NBAS: variants seen among roughly 807,000 people sequenced by gnomAD.
NBAS encodes NAG/BC035112 fusion.
In NBAS, 219 loss-of-function variants were observed where a neutral mutation model predicts 302.5. The observed-to-expected ratio is 0.72, with a 90% CI of 0.65 to 0.81. The LOEUF (loss-of-function observed/expected upper bound fraction) is 0.81. Ranked by LOEUF, NBAS falls within the 30% of genes least tolerant of loss-of-function variation. The probability of loss-of-function intolerance (pLI) is 0.00; values close to 1 mark genes in which losing one functional copy is unlikely to be tolerated. For synonymous variants in NBAS, 1,118 were observed against 1,021.6 expected, an observed-to-expected ratio of 1.09 and a Z score of -1.80; for missense variants, 2,932 against 2,841.6, an observed-to-expected ratio of 1.03 and a Z score of -0.72.
At chr2:15,397,617 CT>C in intron 26 of NBAS, 1 of 595,904 alleles carries the variant, frequency 1.7e-6, no homozygotes, top group Non-Finnish European at 3.1e-6. Context: ...AAGACGCTCG[CT>C]TCAGAAATGT....
chr2:15,014,140 CAG>C, the NBAS span, among the ~76,000 whole-genome samples: 1 of 152,060 alleles, frequency 6.6e-6, no homozygotes, highest in African/African-American at 2.4e-5. Flanking sequence ...CTGAACCACA[CAG>C]ATATATAAAT....
the NBAS span, among the ~76,000 whole-genome samples, chr2:14,864,362 G>C: frequency 4.7e-5 from 7 of 149,200 alleles, no homozygotes; most frequent in East Asian, 1.4e-3. Flanking sequence ...AAACAGCCAA[G>C]ACTTGAATCC....
chr2:15,394,477 T>C, intron 27 of NBAS, 128 bp from the exon 28 acceptor site: 1 of 919,098 alleles, frequency 1.1e-6, no homozygotes, highest in Non-Finnish European at 1.7e-6. Flanking sequence ...TAATCCAATT[T>C]TACATATAAC....
intron 27 of NBAS, among the ~76,000 whole-genome samples, chr2:15,395,874 A>G (rs573300934): frequency 6.6e-6 from 1 of 152,274 alleles, no homozygotes; most frequent in South Asian, 2.1e-4. Context: ...TTCAATCTCC[A>G]GAAGAGATAG....
chr2:14,861,860 T>C, the NBAS span, among the ~76,000 whole-genome samples: 1 of 152,184 alleles, frequency 6.6e-6, no homozygotes, highest in Non-Finnish European at 1.5e-5. Context: ...GAGTGAAATG[T>C]GGGGCTTTCC....
At chr2:14,806,965 C>A in the NBAS span, among the ~76,000 whole-genome samples, 1 of 152,174 alleles carries the variant, frequency 6.6e-6, no homozygotes, top group Non-Finnish European at 1.5e-5. Context: ...TTGTGAAATG[C>A]TGCATCATAT....
chr2:15,121,181 T>C, the NBAS span, among the ~76,000 whole-genome samples: 1 of 152,220 alleles, frequency 6.6e-6, no homozygotes, highest in African/African-American at 2.4e-5. Context: ...TTGTTTTTAG[T>C]AGAATTACAT....
At chr2:15,161,696 G>C in the NBAS span, among the ~76,000 whole-genome samples, 160 of 152,300 alleles carry the variant, frequency 1.1e-3, 3 homozygotes, top group East Asian at 0.024. Context: ...GCAGTGGCTT[G>C]AGCTCCACCC....
intron 22 of NBAS, 46 bp from the exon 23 acceptor site, chr2:15,424,514 A>G (rs1406586518): frequency 6.2e-7 from 1 of 1,601,914 alleles, no homozygotes; most frequent in African/African-American, 1.3e-5. Flanking sequence ...AGAATGTTGG[A>G]AAAACATATA....
intron 32 of NBAS, among the ~76,000 whole-genome samples, chr2:15,363,715 G>T (rs926545366): frequency 4.1e-4 from 62 of 152,268 alleles, no homozygotes; most frequent in African/African-American, 1.4e-3. Flanking sequence ...GTTGTTAATG[G>T]AAACTTTTTA....
chr2:15,507,405 A>AAGC (rs35060629), intron 10 of NBAS, among the ~76,000 whole-genome samples: 89,089 of 151,454 alleles, frequency 0.59, 26,805 homozygotes, highest in Middle Eastern at 0.63. Context: ...TATATTGAAA[A>AAGC]AGCAGCAGCA....
the NBAS span, among the ~76,000 whole-genome samples, chr2:14,931,345 G>A: frequency 6.6e-6 from 1 of 152,158 alleles, no homozygotes; most frequent in Admixed American, 6.6e-5. Flanking sequence ...TGGTATGTGA[G>A]GGGTTTGCTG....
At chr2:15,382,432 C>T (rs1260977684) in intron 29 of NBAS, among the ~76,000 whole-genome samples, 1 of 152,152 alleles carries the variant, frequency 6.6e-6, no homozygotes, top group Non-Finnish European at 1.5e-5. Flanking sequence ...CAAATAACTA[C>T]ATTTTAAAGA....
chr2:15,394,123 G>C, intron 28 of NBAS, 104 bp downstream of exon 28: 1 of 1,247,394 alleles, frequency 8.0e-7, no homozygotes, highest in South Asian at 1.5e-5. Context: ...AATATGTGCA[G>C]TTTATTATTA....
At chr2:15,520,495 G>A (rs1662612325) in intron 9 of NBAS, among the ~76,000 whole-genome samples, 1 of 152,086 alleles carries the variant, frequency 6.6e-6, no homozygotes, top group Admixed American at 6.6e-5. Flanking sequence ...CAGACAGACT[G>A]TTGGATGACA....
the NBAS span, among the ~76,000 whole-genome samples, chr2:15,003,860 A>T: frequency 6.6e-6 from 1 of 152,254 alleles, no homozygotes; most frequent in Non-Finnish European, 1.5e-5. Flanking sequence ...CCACTGGATT[A>T]GTTTTAATTA....
chr2:15,442,388 G>A (rs1359079634), intron 21 of NBAS, among the ~76,000 whole-genome samples: 1 of 151,032 alleles, frequency 6.6e-6, no homozygotes, highest in Non-Finnish European at 1.5e-5. Flanking sequence ...TGAACAACCT[G>A]CTCCTGAATG....
At chr2:15,248,706 A>G (rs1044234122) in intron 44 of NBAS, among the ~76,000 whole-genome samples, 7 of 152,238 alleles carry the variant, frequency 4.6e-5, no homozygotes, top group African/African-American at 1.7e-4. Flanking sequence ...AATAAACTAG[A>G]AAATCTAGAA....
chr2:14,837,372 C>T, the NBAS span, among the ~76,000 whole-genome samples: 2 of 151,876 alleles, frequency 1.3e-5, no homozygotes, highest in Non-Finnish European at 2.9e-5. Flanking sequence ...CTTGAGGAAG[C>T]TGGCCTTCAA....
Sources: gnomAD v4.1 joint callset for allele counts (sites outside exome capture counted in the v4.1 genomes callset) on GRCh38, gnomAD v4.1.1 for gene constraint, MANE v1.5 for transcripts, NCBI Gene and HGNC (gene_info 2026-07-23, HGNC 2026-07-21) for gene names.